The following DLGAP3 variants were observed in gnomAD, a reference collection of about 807,000 sequenced individuals.
The protein encoded by DLGAP3 is disks large-associated protein 3.
A neutral mutation model predicts 81.2 loss-of-function variants in DLGAP3; 17 were observed. The observed-to-expected ratio is 0.21, with a 90% CI of 0.14 to 0.31. The LOEUF is 0.31. DLGAP3 is among the 10% of genes least tolerant of loss of function. DLGAP3 has a pLI of 1.00. For missense variants in DLGAP3, 1,124 were observed against 1,388.0 expected, an observed-to-expected ratio of 0.81 and a Z score of 3.02; for synonymous variants, 577 against 587.4, an observed-to-expected ratio of 0.98 and a Z score of 0.26.
chr1:34,876,650 AG>A (rs1639064451), intron 8 of DLGAP3, among the ~76,000 whole-genome samples: 1 of 152,202 alleles, frequency 6.6e-6, no homozygotes, highest in Admixed American at 6.5e-5. Context: ...GCCTGGCCAA[AG>A]AGATGGGCCA....
intron 8 of DLGAP3, among the ~76,000 whole-genome samples, chr1:34,869,776 G>A (rs564028544): frequency 4.6e-5 from 7 of 152,270 alleles, no homozygotes; most frequent in East Asian, 3.9e-4. Context: ...ACGCCTGGCC[G>A]AAGTATTTCA....
intron 1 of DLGAP3, among the ~76,000 whole-genome samples, chr1:34,907,951 C>A (rs1252154219): frequency 6.6e-6 from 1 of 152,246 alleles, no homozygotes; most frequent in African/African-American, 2.4e-5. Context: ...AAGCCCTCCC[C>A]CTGGCTAAAA....
At position 34,921,943 on chromosome 1, in the gene DLGAP3, A is replaced by G. The variant is rs146450125; in HGVS notation, c.-135+7508T>C. 7.7e-3 allele frequency among the ~76,000 whole-genome samples: 1,172 copies of G among 152,306 alleles called. 14 individuals are homozygous for G. Among genetic ancestry groups the G allele is most frequent in the African/African-American group, 0.027 (1,134 of 41,552 alleles). On this transcript the variant is annotated intron_variant, in intron 1 of 11. Transcript: ENST00000373347. ...TTGATATATGCCTATTATGGCACAG[A>G]CAAGTAATATGCACATGTACCTGTA...
chr1:34,921,380 G>A (rs1225783422), intron 1 of DLGAP3, among the ~76,000 whole-genome samples: 1 of 152,198 alleles, frequency 6.6e-6, no homozygotes, highest in African/African-American at 2.4e-5. Context: ...CACCTGGTAA[G>A]CACCTGTTCA....
chr1:34,905,725 T>C (rs899172952), intron 2 of DLGAP3, among the ~76,000 whole-genome samples: 26 of 152,012 alleles, frequency 1.7e-4, no homozygotes, highest in African/African-American at 5.8e-4. Context: ...CCTTAGAGAC[T>C]GGGCACAGTG....
intron 6 of DLGAP3, 131 bp from the exon 7 acceptor site, chr1:34,885,922 G>A: frequency 1.8e-6 from 2 of 1,135,696 alleles, no homozygotes; most frequent in Non-Finnish European, 2.5e-6. Context: ...ACATGCTGCT[G>A]CACACACGCC....
At chr1:34,885,333 C>T (rs1364338734) in intron 7 of DLGAP3, 145 bp downstream of exon 7, 28 of 945,102 alleles carry the variant, frequency 3.0e-5, no homozygotes, top group Non-Finnish European at 4.2e-5. Context: ...GGAGCAGCCC[C>T]GTCGATGTCC....
rs1016906069 is a variant in DLGAP3 at position 34,868,017 on chromosome 1, T to C, written c.2486-390A>G. Among the ~76,000 whole-genome samples the C allele has an allele frequency of 1.3e-5, 2 of 152,220 alleles. No homozygotes were observed. The highest frequency in any genetic ancestry group is 2.9e-5 in the Non-Finnish European group (2 of 68,036). On this transcript the variant is annotated intron_variant, in intron 9 of 11. Transcript: ENST00000373347. This position sits in a 1 kb window ranked among gnomAD's most constrained non-coding sequence, Gnocchi z 7.5. ...ACTCCCCAGTGCATGCAAGACTCCT[T>C]GGCTCTTTAAGAATGACCAAGTAAT...
At chr1:34,927,907 T>C (rs1295649373) in intron 1 of DLGAP3, among the ~76,000 whole-genome samples, 1 of 152,192 alleles carries the variant, frequency 6.6e-6, no homozygotes, top group East Asian at 1.9e-4. Flanking sequence ...TAGCAGTGTG[T>C]GGTTGTGGAA....
chr1:34,911,898 C>T (rs1639645624), intron 1 of DLGAP3, among the ~76,000 whole-genome samples: 1 of 152,178 alleles, frequency 6.6e-6, no homozygotes, highest in Non-Finnish European at 1.5e-5. Context: ...CCCTGCCCAG[C>T]CAAATCAGTT....
At position 34,900,377 on chromosome 1, in the gene DLGAP3, C is replaced by G. The variant is rs955107757; in HGVS notation, c.1108-104G>C. On this transcript the variant is annotated intron_variant, in intron 3 of 11. Coordinates refer to ENST00000373347, the MANE Select transcript of DLGAP3 (RefSeq NM_001080418.3). This position sits in a 1 kb window ranked among gnomAD's most constrained non-coding sequence, Gnocchi z 5.6. Reference sequence around the variant, plus strand: ...GGGAGATGCCCTGCCCTGGCTTGAACAGGCACACTCAGGTACATGCAGAGG... The same window carrying G: ...GGGAGATGCCCTGCCCTGGCTTGAAGAGGCACACTCAGGTACATGCAGAGG... 2 of 1,161,872 alleles carry G rather than the reference C, an allele frequency of 1.7e-6. No individual in the cohort carries two copies. The highest frequency in any genetic ancestry group is 2.6e-6 in the Non-Finnish European group (2 of 783,368). The allele number at this position is 1,161,872 out of a possible 1,614,324, so 72.0% of individuals were successfully genotyped here. A position where few individuals can be genotyped will look rare whatever the true frequency, so the allele number is the denominator to read the frequency against.
chr1:34,906,891 G>A (rs1639564003), intron 2 of DLGAP3, among the ~76,000 whole-genome samples: 1 of 152,204 alleles, frequency 6.6e-6, no homozygotes, highest in African/African-American at 2.4e-5. Flanking sequence ...TGCCAGGATA[G>A]GAGCTACGGC....
intron 1 of DLGAP3, among the ~76,000 whole-genome samples, chr1:34,924,780 A>G (rs1310887818): frequency 6.6e-6 from 1 of 152,240 alleles, no homozygotes; most frequent in Non-Finnish European, 1.5e-5. Context: ...AAACAGCAAA[A>G]GGGGAGAGGG....
intron 1 of DLGAP3, among the ~76,000 whole-genome samples, chr1:34,923,163 C>T (rs1169372407): frequency 6.6e-6 from 1 of 152,206 alleles, no homozygotes; most frequent in African/African-American, 2.4e-5. Context: ...CAAAATCCTT[C>T]CTCCCAGCAC....
intron 5 of DLGAP3, among the ~76,000 whole-genome samples, chr1:34,889,474 T>A (rs934890314): frequency 6.6e-6 from 1 of 152,146 alleles, no homozygotes; most frequent in Non-Finnish European, 1.5e-5. Flanking sequence ...TCCCCCAACA[T>A]CCATTTACAG....
chr1:34,917,741 T>C (rs1426731943), intron 1 of DLGAP3, among the ~76,000 whole-genome samples: 4 of 152,202 alleles, frequency 2.6e-5, no homozygotes, highest in South Asian at 2.1e-4. Context: ...CAGAAATACA[T>C]GTTCATTTCA....
In DLGAP3 at chr1:34,874,712, G is replaced by A. The variant is rs1393409947; in HGVS notation, c.2001-5623C>T. On this transcript the variant is annotated intron_variant, in intron 8 of 11. Transcript: ENST00000373347. Reference sequence around the variant, plus strand: ...TGATTCTCTGGGGGATAACATAAAAGCCTCTGGGTAGAAGCTGGATTATCC... The same window carrying A: ...TGATTCTCTGGGGGATAACATAAAAACCTCTGGGTAGAAGCTGGATTATCC... 2.0e-5 allele frequency among the ~76,000 whole-genome samples: 3 copies of A among 152,140 alleles called. No homozygotes were observed. In the East Asian group the frequency reaches 5.8e-4, roughly 29 times the overall value.
chr1:34,892,648 G>A (rs1639329361), intron 5 of DLGAP3, among the ~76,000 whole-genome samples: 2 of 152,134 alleles, frequency 1.3e-5, no homozygotes, highest in South Asian at 2.1e-4. Flanking sequence ...TTCCCAAGTG[G>A]CTAGGGCTAC....
intron 1 of DLGAP3, among the ~76,000 whole-genome samples, chr1:34,923,388 G>A (rs1046001518): frequency 9.9e-5 from 15 of 152,162 alleles, no homozygotes; most frequent in Non-Finnish European, 1.8e-4. Flanking sequence ...TAAAGGTGGT[G>A]ACCTGGGCTC....
Sources: allele counts gnomAD v4.1 joint callset (sites outside exome capture counted in the v4.1 genomes callset), GRCh38; gene constraint gnomAD v4.1.1; non-coding constraint Gnocchi (gnomAD v3.1); transcripts MANE v1.5; gene names NCBI Gene and HGNC (gene_info 2026-07-23, HGNC 2026-07-21).